The following LTF variants were observed in gnomAD, a reference collection of about 807,000 sequenced individuals.
LTF encodes epididymis luminal protein 110.
In LTF, 91 loss-of-function variants were observed where a neutral mutation model predicts 87.2. That is an observed-to-expected ratio of 1.04 (90% CI 0.88 to 1.24). The LOEUF (loss-of-function observed/expected upper bound fraction) is 1.24. LTF is among the 50% of genes most tolerant of loss of function. The pLI, the probability that LTF is intolerant of heterozygous loss-of-function variation, is 0.00. For missense variants in LTF, 901 were observed against 904.3 expected, an observed-to-expected ratio of 1.00 and a Z score of 0.05; for synonymous variants, 378 against 356.1, an observed-to-expected ratio of 1.06 and a Z score of -0.69.
upstream of LTF, among the ~76,000 whole-genome samples, chr3:46,469,779 C>A (rs955741929): frequency 6.6e-6 from 1 of 152,186 alleles, no homozygotes; most frequent in African/African-American, 2.4e-5. Flanking sequence ...AGTCTGGGAA[C>A]GTTTCTGGGC....
At chr3:46,483,333 CA>C (rs1703475988) in intron 1 of LTF, among the ~76,000 whole-genome samples, 1 of 152,162 alleles carries the variant, frequency 6.6e-6, no homozygotes, top group Non-Finnish European at 1.5e-5. Context: ...ATGTGTACAC[CA>C]AAAACACAAA....
chr3:46,448,726 G>A, intron 9 of LTF, 137 bp downstream of exon 9: 1 of 1,001,390 alleles, frequency 1.0e-6, no homozygotes, highest in Non-Finnish European at 1.4e-6. Context: ...TTCTGGCCCT[G>A]AGCACACCTC....
intron 6 of LTF, among the ~76,000 whole-genome samples, chr3:46,453,205 CA>C (rs1270262077): frequency 6.6e-6 from 1 of 152,158 alleles, no homozygotes; most frequent in African/African-American, 2.4e-5. Context: ...AAACGGCTAG[CA>C]AATATGTTGA....
At chr3:46,466,044 G>A (rs567961720), upstream of LTF, among the ~76,000 whole-genome samples, 1 of 152,272 alleles carries the variant, frequency 6.6e-6, no homozygotes, top group South Asian at 2.1e-4. Flanking sequence ...TTCAAGACTA[G>A]CCTGGGCAAC....
intron 7 of LTF, 42 bp from the exon 8 acceptor site, chr3:46,450,070 G>A (rs1177157448): frequency 1.4e-6 from 2 of 1,446,788 alleles, no homozygotes; most frequent in Non-Finnish European, 1.9e-6. Flanking sequence ...ATGGTAAATA[G>A]GGAGGAAACA....
At chr3:46,482,556 AAGGGAAGGGAAGG>A (rs2106930857) in intron 1 of LTF, among the ~76,000 whole-genome samples, 1 of 108,560 alleles carries the variant, frequency 9.2e-6, no homozygotes, top group African/African-American at 4.7e-5. Flanking sequence ...AAGGGAAGGG[AAGGGAAGGGAAGG>A]GAAAGGAAAG....
At chr3:46,439,031 C>A (rs560272601) in intron 15 of LTF, among the ~76,000 whole-genome samples, 15 of 152,328 alleles carry the variant, frequency 9.8e-5, no homozygotes, top group East Asian at 7.7e-4. Context: ...AAGACAGCCT[C>A]TGAGCCAGGC....
At chr3:46,436,931 C>T (rs748938588) in intron 16 of LTF, among the ~76,000 whole-genome samples, 1 of 152,222 alleles carries the variant, frequency 6.6e-6, no homozygotes, top group Non-Finnish European at 1.5e-5. Context: ...CAGCAGCACC[C>T]TCTATGTTGT....
chr3:46,464,086 C>A (rs947383663), intron 1 of LTF, among the ~76,000 whole-genome samples: 9 of 152,188 alleles, frequency 5.9e-5, no homozygotes, highest in Admixed American at 5.9e-4. Context: ...GGCCTGGGAC[C>A]TTCCCCTCCC....
chr3:46,459,050 T>A, intron 2 of LTF, among the ~76,000 whole-genome samples: 1 of 152,238 alleles, frequency 6.6e-6, no homozygotes, highest in Non-Finnish European at 1.5e-5. Context: ...TGAGTACACA[T>A]GATTATGGCA....
Position 46,439,419 on chromosome 3 carries a change from G to T in LTF, c.1785C>A (p.Leu595=), listed in dbSNP as rs267599843. Residue 595 remains leucine, a synonymous_variant, in exon 15 of 17, where the codon CTC becomes CTA. Coordinates refer to ENST00000231751, the MANE Select transcript of LTF (RefSeq NM_002343.6). ...CAGTCACAGGCTTCCGTTTGCCATC[G>T]AGGCACAGCAGCGCAAAGTCTGCCA... is the stretch of plus-strand genomic sequence containing the variant. ...LKLADFALLC[L]DGKRKPVTEA... 5 of 1,614,170 alleles carry T rather than the reference G, an allele frequency of 3.1e-6. No individual in the cohort carries two copies. Among genetic ancestry groups the T allele is most frequent in the Non-Finnish European group, 3.4e-6 (4 of 1,180,018 alleles).
chr3:46,478,648 C>T (rs1358489047), intron 1 of LTF, among the ~76,000 whole-genome samples: 1 of 152,126 alleles, frequency 6.6e-6, no homozygotes, highest in East Asian at 1.9e-4. Context: ...CAGAAGATGA[C>T]TGGCAGAATG....
At chr3:46,457,365 TCTAA>T (rs570639108) in intron 2 of LTF, among the ~76,000 whole-genome samples, 9 of 152,244 alleles carry the variant, frequency 5.9e-5, no homozygotes, top group Non-Finnish European at 1.2e-4. Context: ...TAAGTTTATT[TCTAA>T]CTGTTTCCTG....
intron 1 of LTF, among the ~76,000 whole-genome samples, chr3:46,478,308 T>A (rs1703388158): frequency 6.6e-6 from 1 of 152,146 alleles, no homozygotes; most frequent in Non-Finnish European, 1.5e-5. Flanking sequence ...TTGGCTTTGC[T>A]CCACACATCT....
Position 46,455,994 on chromosome 3 carries a change from C to G in LTF, c.317-16G>C, listed in dbSNP as rs1405008279. 1.3e-6 allele frequency: 2 copies of G among 1,550,166 alleles called. No homozygotes were observed. Among genetic ancestry groups the G allele is most frequent in the African/African-American group, 2.8e-5 (2 of 72,672 alleles). On this transcript the variant is annotated splice_polypyrimidine_tract_variant and intron_variant, in intron 3 of 16. Coordinates refer to ENST00000231751, the MANE Select transcript of LTF (RefSeq NM_002343.6). ...GTTCGTGGCTCTGCAAAGGGGCAGA[C>G]AGAATTGAAAGTTCTTAGCCTGGAC...
chr3:46,471,494 G>T (rs1703285930), intron 1 of LTF, among the ~76,000 whole-genome samples: 1 of 152,214 alleles, frequency 6.6e-6, no homozygotes, highest in Non-Finnish European at 1.5e-5. Flanking sequence ...GGAGGGAAAG[G>T]ACTGTGGTTG....
chr3:46,478,954 G>A (rs1317798533), intron 1 of LTF, among the ~76,000 whole-genome samples: 1 of 152,198 alleles, frequency 6.6e-6, no homozygotes, highest in African/African-American at 2.4e-5. Context: ...GCACTTAGAG[G>A]GGTTCCCTCA....
At chr3:46,456,048 A>C in intron 3 of LTF, 70 bp from the exon 4 acceptor site, 1 of 1,379,476 alleles carries the variant, frequency 7.2e-7, no homozygotes, top group East Asian at 2.4e-5. Flanking sequence ...CCATCCTGAA[A>C]AGTCTCCGGT....
intron 15 of LTF, among the ~76,000 whole-genome samples, chr3:46,438,893 T>G (rs1221604151): frequency 6.6e-6 from 1 of 152,200 alleles, no homozygotes; most frequent in Non-Finnish European, 1.5e-5. Context: ...TTTAGAGGCC[T>G]GGCCTAGAGC....
Sources: allele counts gnomAD v4.1 joint callset (sites outside exome capture counted in the v4.1 genomes callset), GRCh38; gene constraint gnomAD v4.1.1; transcripts MANE v1.5; gene names NCBI Gene and HGNC (gene_info 2026-07-23, HGNC 2026-07-21).